Variants in EXOC6 observed in about 807,000 individuals in gnomAD.
EXOC6 encodes exocyst complex component 6.
Under a neutral mutation model 112.5 loss-of-function variants are expected in EXOC6, and 60 were observed. That is an observed-to-expected ratio of 0.53 (90% CI 0.43 to 0.66). EXOC6 has a LOEUF of 0.66. Ranked by LOEUF, EXOC6 falls within the 30% of genes least tolerant of loss-of-function variation. The pLI is 0.00. For synonymous variants in EXOC6, 295 were observed against 308.0 expected (o/e 0.96, Z 0.44); for missense variants, 855 against 957.1 (o/e 0.89, Z 1.41).
chr10:92,876,923 G>A (rs11187196), intron 1 of EXOC6, among the ~76,000 whole-genome samples: 2,782 of 151,372 alleles, frequency 0.018, 41 homozygotes, highest in Middle Eastern at 0.027. Flanking sequence ...CATTCATTCC[G>A]GAGGTAAAAA....
chr10:92,987,032 A>G (rs145399890), intron 18 of EXOC6, among the ~76,000 whole-genome samples: 2 of 152,260 alleles, frequency 1.3e-5, no homozygotes, highest in East Asian at 3.9e-4. Context: ...GTATTAGCAG[A>G]TTATGTGAAG....
chr10:92,913,577 A>G (rs561127465), intron 6 of EXOC6, among the ~76,000 whole-genome samples: 90 of 152,272 alleles, frequency 5.9e-4, no homozygotes, highest in African/African-American at 1.8e-3. Flanking sequence ...TCTCGGTCTG[A>G]TGAATTCCTG....
chr10:92,914,263 G>A (rs1037363373), intron 6 of EXOC6, among the ~76,000 whole-genome samples: 2 of 152,194 alleles, frequency 1.3e-5, no homozygotes, highest in African/African-American at 4.8e-5. Context: ...ATCATCTGAG[G>A]TGGAACAGTT....
intron 1 of EXOC6, among the ~76,000 whole-genome samples, chr10:92,878,741 C>G (rs562502944): frequency 6.6e-6 from 1 of 152,222 alleles, no homozygotes; most frequent in East Asian, 1.9e-4. Flanking sequence ...CCTGCCCTGC[C>G]CATGCCTATC....
chr10:92,995,353 A>T (rs1170919460), intron 18 of EXOC6, among the ~76,000 whole-genome samples: 1 of 152,114 alleles, frequency 6.6e-6, no homozygotes, highest in Non-Finnish European at 1.5e-5. Context: ...TTAAATTTTA[A>T]AAGTTTACAT....
chr10:92,982,287 C>T (rs1414430025), intron 18 of EXOC6, among the ~76,000 whole-genome samples: 1 of 151,914 alleles, frequency 6.6e-6, no homozygotes, highest in Admixed American at 6.6e-5. Context: ...AGGAGTATTC[C>T]TCTGAATATC....
At chr10:92,887,680 C>G (rs1455791926) in intron 1 of EXOC6, among the ~76,000 whole-genome samples, 1 of 152,128 alleles carries the variant, frequency 6.6e-6, no homozygotes, top group Non-Finnish European at 1.5e-5. Context: ...GCTGGGATTA[C>G]AGGAGTGAGC....
rs576742546 is a variant in EXOC6 at position 92,949,263 on chromosome 10, T to TA, written c.1416+884_1416+885insA. Reference sequence around the variant, plus strand: ...ATCATGACTGTAAATTTTTGTTGTATTTTTATACATAAACTAAGCATATTA... The same window carrying TA: ...ATCATGACTGTAAATTTTTGTTGTATATTTTATACATAAACTAAGCATATTA... On this transcript the variant is annotated intron_variant, in intron 14 of 21. Transcript: ENST00000260762. 1.2e-3 allele frequency among the ~76,000 whole-genome samples: 183 copies of TA among 152,302 alleles called. 1 individual carries two copies. Among genetic ancestry groups the TA allele is most frequent in the Non-Finnish European group, 2.2e-3 (151 of 68,012 alleles).
At chr10:92,848,440 C>T (rs1691043625), upstream of EXOC6, 1 of 805,100 alleles carries the variant, frequency 1.2e-6, no homozygotes, top group Admixed American at 5.5e-5. Context: ...AGCGCCCCGC[C>T]CCCGCCCCGC....
chr10:92,826,878 G>A lies in EXOC6; in HGVS notation c.-93G>A, dbSNP rs150004586. Among the ~76,000 whole-genome samples the A allele has an allele frequency of 3.3e-3, 496 of 152,314 alleles. 7 individuals carry two copies. The highest frequency in any genetic ancestry group is 0.011 in the African/African-American group (468 of 41,568). Reference sequence around the variant, plus strand: ...GGAGAGCAGGAGCATAAACCCTGAGGTGGAGCATGCCTGGTAAAGTGTGAG... The same window carrying A: ...GGAGAGCAGGAGCATAAACCCTGAGATGGAGCATGCCTGGTAAAGTGTGAG... On this transcript the variant is annotated 5_prime_UTR_variant, in exon 1 of 23. Coordinates refer to the EXOC6 transcript ENST00000671701.
intron 1 of EXOC6, among the ~76,000 whole-genome samples, chr10:92,886,224 A>G (rs963969463): frequency 6.6e-6 from 1 of 152,232 alleles, no homozygotes; most frequent in Non-Finnish European, 1.5e-5. Context: ...TCAGAATTTC[A>G]AAGAATAATG....
At chr10:92,971,197 G>T (rs753597310) in intron 17 of EXOC6, among the ~76,000 whole-genome samples, 3 of 149,708 alleles carry the variant, frequency 2.0e-5, no homozygotes, top group Non-Finnish European at 4.5e-5. Flanking sequence ...GACTACAGGC[G>T]CAGGCCTGGC....
At chr10:92,834,261 C>T (rs1379192916), upstream of EXOC6, among the ~76,000 whole-genome samples, 1 of 152,054 alleles carries the variant, frequency 6.6e-6, no homozygotes, top group African/African-American at 2.4e-5. Flanking sequence ...TGTGGGCAAG[C>T]CCTTGCCCAC....
At chr10:92,946,206 G>C (rs1461505882) in intron 13 of EXOC6, among the ~76,000 whole-genome samples, 1 of 152,158 alleles carries the variant, frequency 6.6e-6, no homozygotes, top group East Asian at 1.9e-4. Context: ...TGAGGCAGGA[G>C]AATGGCGTGA....
At chr10:92,982,088 C>T (rs1466542451) in intron 18 of EXOC6, among the ~76,000 whole-genome samples, 6 of 152,090 alleles carry the variant, frequency 3.9e-5, no homozygotes, top group Admixed American at 1.3e-4. Flanking sequence ...TGCACTCCAG[C>T]CTGGGTGACA....
intron 13 of EXOC6, among the ~76,000 whole-genome samples, chr10:92,942,507 T>A (rs749637137): frequency 6.6e-6 from 1 of 152,214 alleles, no homozygotes; most frequent in East Asian, 1.9e-4. Context: ...AGGAGTGATA[T>A]TATCAGGATG....
At chr10:93,021,508 A>G (rs1027142767) in intron 20 of EXOC6, among the ~76,000 whole-genome samples, 3 of 152,154 alleles carry the variant, frequency 2.0e-5, no homozygotes, top group African/African-American at 7.2e-5. Context: ...TTATCCCTAC[A>G]ACTCTCAACT....
At chr10:92,983,036 CT>C (rs1842881503) in intron 18 of EXOC6, among the ~76,000 whole-genome samples, 1 of 152,114 alleles carries the variant, frequency 6.6e-6, no homozygotes, top group African/African-American at 2.4e-5. Context: ...TCATTCTCTC[CT>C]TAAGAATTCT....
At chr10:92,971,943 G>A (rs886306386) in intron 17 of EXOC6, among the ~76,000 whole-genome samples, 2 of 152,144 alleles carry the variant, frequency 1.3e-5, no homozygotes, top group Non-Finnish European at 2.9e-5. Context: ...CCAAGGGTTT[G>A]TTGTTTCTCC....
Sources: allele counts gnomAD v4.1 joint callset (sites outside exome capture counted in the v4.1 genomes callset), GRCh38; gene constraint gnomAD v4.1.1; transcripts MANE v1.5; gene names NCBI Gene and HGNC (gene_info 2026-07-23, HGNC 2026-07-21).